Variants in MTHFD2L observed in about 807,000 individuals in gnomAD.
MTHFD2L encodes methylenetetrahydrofolate dehydrogenase (NADP+ dependent) 2 like.
Under a neutral mutation model 34.9 loss-of-function variants are expected in MTHFD2L, and 29 were observed. That is an observed-to-expected ratio of 0.83 (90% CI 0.62 to 1.13). The LOEUF (loss-of-function observed/expected upper bound fraction) is 1.13. Among genes scored for constraint, MTHFD2L ranks in the 50% most tolerant of loss-of-function variants. The probability of loss-of-function intolerance (pLI) is 0.00; values close to 1 mark genes in which losing one functional copy is unlikely to be tolerated. For missense variants in MTHFD2L, 481 were observed against 446.5 expected, an observed-to-expected ratio of 1.08 and a Z score of -0.70; for synonymous variants, 167 against 155.7, an observed-to-expected ratio of 1.07 and a Z score of -0.54.
chr4:74,226,571 G>C (rs1401572810), intron 6 of MTHFD2L, among the ~76,000 whole-genome samples: 1 of 152,108 alleles, frequency 6.6e-6, no homozygotes, highest in African/African-American at 2.4e-5. Flanking sequence ...CATAGAAAAG[G>C]CTGGAATATG....
At chr4:74,209,425 A>G (rs539312292) in intron 5 of MTHFD2L, among the ~76,000 whole-genome samples, 2 of 152,046 alleles carry the variant, frequency 1.3e-5, no homozygotes, top group African/African-American at 4.8e-5. Context: ...ACTCCCACTT[A>G]TGAATGGGAA....
intron 7 of MTHFD2L, among the ~76,000 whole-genome samples, chr4:74,282,144 T>G (rs1036549719): frequency 2.0e-5 from 3 of 152,120 alleles, no homozygotes; most frequent in Non-Finnish European, 2.9e-5. Flanking sequence ...TAACCCAGTC[T>G]TCTCTTTACA....
intron 1 of MTHFD2L, among the ~76,000 whole-genome samples, chr4:74,137,303 C>T (rs1262507113): frequency 6.6e-6 from 1 of 152,118 alleles, no homozygotes; most frequent in African/African-American, 2.4e-5. Context: ...AAATGGACAA[C>T]ATGTCTGAAT....
At chr4:74,242,329 A>C (rs1011187672) in intron 6 of MTHFD2L, 10 of 152,164 alleles carry the variant, frequency 6.6e-5, no homozygotes, top group African/African-American at 2.4e-4. Flanking sequence ...TTAAAAACTT[A>C]GTGGTTGGTA....
intron 3 of MTHFD2L, among the ~76,000 whole-genome samples, chr4:74,181,371 A>G (rs538021468): frequency 6.6e-6 from 1 of 152,330 alleles, no homozygotes; most frequent in Admixed American, 6.5e-5. Context: ...TTTATATACA[A>G]TAAATCATTT....
chr4:74,286,271 A>G (rs1055685621), intron 7 of MTHFD2L, among the ~76,000 whole-genome samples: 1 of 152,186 alleles, frequency 6.6e-6, no homozygotes, highest in Non-Finnish European at 1.5e-5. Context: ...TTGCATGTCT[A>G]AGAATTATTT....
intron 7 of MTHFD2L, among the ~76,000 whole-genome samples, chr4:74,283,438 C>A (rs74317719): frequency 0.016 from 2,412 of 151,964 alleles, 73 homozygotes; most frequent in African/African-American, 0.056. Flanking sequence ...TTCTGTGTAT[C>A]TAAGTATATA....
chr4:74,184,828 A>G (rs1730839846), intron 3 of MTHFD2L, among the ~76,000 whole-genome samples: 1 of 152,104 alleles, frequency 6.6e-6, no homozygotes, highest in Non-Finnish European at 1.5e-5. Flanking sequence ...TCTGACCACA[A>G]TGGAATTAAA....
chr4:74,228,970 C>T (rs911060186), intron 6 of MTHFD2L, among the ~76,000 whole-genome samples: 5 of 152,138 alleles, frequency 3.3e-5, no homozygotes, highest in Admixed American at 2.6e-4. Flanking sequence ...AGTTAGAAGA[C>T]ATTTTAAACA....
chr4:74,219,134 T>C (rs1409335802), intron 5 of MTHFD2L, among the ~76,000 whole-genome samples: 2 of 152,138 alleles, frequency 1.3e-5, no homozygotes, highest in African/African-American at 4.8e-5. Flanking sequence ...TATTATTTTA[T>C]ATCAGAAACT....
intron 1 of MTHFD2L, chr4:74,161,597 G>A (rs1725482435): frequency 6.6e-6 from 1 of 152,212 alleles, no homozygotes; most frequent in Non-Finnish European, 1.5e-5. Context: ...CAGAGATAGT[G>A]TGTTCTAATA....
chr4:74,279,678 A>G (rs544417096), intron 6 of MTHFD2L, among the ~76,000 whole-genome samples: 2 of 152,188 alleles, frequency 1.3e-5, no homozygotes, highest in South Asian at 4.1e-4. Context: ...TTTTATCTTG[A>G]ACTTTTTTCT....
chr4:74,219,352 G>A (rs998605391), intron 5 of MTHFD2L, among the ~76,000 whole-genome samples: 7 of 152,034 alleles, frequency 4.6e-5, no homozygotes, highest in African/African-American at 1.7e-4. Context: ...AGCCCACAGT[G>A]TTCTCATATG....
intron 1 of MTHFD2L, among the ~76,000 whole-genome samples, chr4:74,158,953 T>C (rs549666814): frequency 1.1e-3 from 163 of 152,324 alleles, no homozygotes; most frequent in Non-Finnish European, 1.7e-3. Context: ...GATGAAAATA[T>C]ATCTTCTTGA....
At chr4:74,131,832 C>G (rs549127752) in intron 1 of MTHFD2L, among the ~76,000 whole-genome samples, 89 of 152,220 alleles carry the variant, frequency 5.8e-4, no homozygotes, top group Non-Finnish European at 1.1e-3. Context: ...GCAATCTATC[C>G]ATCTGACAAA....
chr4:74,199,969 G>C, intron 4 of MTHFD2L, 23 bp downstream of exon 4: 1 of 1,612,912 alleles, frequency 6.2e-7, no homozygotes, highest in East Asian at 2.2e-5. Context: ...TGGTCTGCAG[G>C]ACATGGATGC....
intron 1 of MTHFD2L, among the ~76,000 whole-genome samples, chr4:74,169,392 G>T (rs1221155188): frequency 6.6e-6 from 1 of 152,170 alleles, no homozygotes; most frequent in Admixed American, 6.5e-5. Context: ...CTCAGTGATT[G>T]CCAGCTTCAC....
intron 1 of MTHFD2L, among the ~76,000 whole-genome samples, chr4:74,168,757 T>G (rs1432036432): frequency 6.6e-6 from 1 of 152,070 alleles, no homozygotes; most frequent in Non-Finnish European, 1.5e-5. Flanking sequence ...CTGGCTGCAG[T>G]ATGGAAAATG....
intron 3 of MTHFD2L, among the ~76,000 whole-genome samples, chr4:74,189,696 C>T (rs1732128932): frequency 6.6e-6 from 1 of 151,804 alleles, no homozygotes; most frequent in Non-Finnish European, 1.5e-5. Flanking sequence ...CAGTTATTAT[C>T]AAAAATTTGT....
Sources: gnomAD v4.1 joint callset for allele counts (sites outside exome capture counted in the v4.1 genomes callset) on GRCh38, gnomAD v4.1.1 for gene constraint, MANE v1.5 for transcripts, NCBI Gene and HGNC (gene_info 2026-07-23, HGNC 2026-07-21) for gene names.